Variants in LAMA4 observed in about 807,000 individuals in gnomAD.
LAMA4 encodes the protein laminin subunit alpha 4.
In LAMA4, 127 loss-of-function variants were observed where a neutral mutation model predicts 207.1. The observed-to-expected ratio is 0.61, with a 90% CI of 0.53 to 0.71. The LOEUF is 0.71. Ranked by LOEUF, LAMA4 falls within the 30% of genes least tolerant of loss-of-function variation. LAMA4 has a pLI of 0.00. For missense variants in LAMA4, 2,093 were observed against 2,246.5 expected, an observed-to-expected ratio of 0.93 and a Z score of 1.38; for synonymous variants, 761 against 816.0, an observed-to-expected ratio of 0.93 and a Z score of 1.15.
intron 16 of LAMA4, among the ~76,000 whole-genome samples, chr6:112,151,607 A>G (rs566544185): frequency 6.6e-6 from 1 of 152,208 alleles, no homozygotes; most frequent in African/African-American, 2.4e-5. Flanking sequence ...TATCAGATTT[A>G]TTCCTATGTA....
At chr6:112,149,212 T>C (rs1244165005) in intron 17 of LAMA4, among the ~76,000 whole-genome samples, 1 of 151,992 alleles carries the variant, frequency 6.6e-6, no homozygotes, top group Non-Finnish European at 1.5e-5. Flanking sequence ...TGGATTCTGA[T>C]AAATGCTAGT....
At chr6:112,201,476 A>T in intron 5 of LAMA4, 132 bp downstream of exon 5, 1 of 825,918 alleles carries the variant, frequency 1.2e-6, no homozygotes, top group Non-Finnish European at 2.1e-6. Flanking sequence ...GGGTTTTGAA[A>T]TGCAGTCCCT....
rs1583663630 is a variant in LAMA4 at position 112,129,995 on chromosome 6, A to T, written c.4014T>A (p.Pro1338=). 2 of 1,613,372 alleles carry T rather than the reference A, an allele frequency of 1.2e-6. No individual in the cohort carries two copies. Among genetic ancestry groups the T allele is most frequent in the Non-Finnish European group, 1.7e-6 (2 of 1,179,564 alleles). The part of the protein sequence containing the change: ...VDKSRVGSKN[P]TKGKIEQTQA... ...GTGTCTGTTCTATTTTCCCTTTGGT[A>T]GGATTCTTACTCCCAACTCTGCTTT... The change falls in exon 30 of 39, where the codon CCT becomes CCA. Residue 1338 remains proline, a synonymous_variant. Coordinates refer to ENST00000230538, the MANE Select transcript of LAMA4 (RefSeq NM_001105206.3).
intron 3 of LAMA4, among the ~76,000 whole-genome samples, chr6:112,207,357 C>CA (rs1442963904): frequency 3.9e-5 from 6 of 152,036 alleles, no homozygotes; most frequent in Admixed American, 2.6e-4. Context: ...TTTTCCTGGG[C>CA]TTTTGTGTGT....
At chr6:112,241,125 A>ATT (rs1296190551) in intron 2 of LAMA4, among the ~76,000 whole-genome samples, 1 of 121,094 alleles carries the variant, frequency 8.3e-6, no homozygotes, top group Non-Finnish European at 1.8e-5. Context: ...GAATATATAT[A>ATT]TGAATATATA....
At position 112,132,796 on chromosome 6, in the gene LAMA4, C is replaced by T. The variant is rs782013757; in HGVS notation, c.3791G>A (p.Arg1264Gln). ...FDGFEGGFNFRTLQPNGLLFY... is the reference protein window; with the variant it reads ...FDGFEGGFNFQTLQPNGLLFY... Reference sequence around the variant, plus strand: ...TAGTAACCCATTTGGTTGTAATGTTCGGAAATTAAAACCTCCTTCAAAGCC... The same window carrying T: ...TAGTAACCCATTTGGTTGTAATGTTTGGAAATTAAAACCTCCTTCAAAGCC... The change falls in exon 28 of 39, where the codon CGA (arginine) becomes CAA (glutamine). Residue 1264 changes from arginine to glutamine, a missense_variant. Transcript: ENST00000230538. 31 of 1,612,862 alleles carry T rather than the reference C, an allele frequency of 1.9e-5. No individual in the cohort carries two copies. Among genetic ancestry groups the T allele is most frequent in the Non-Finnish European group, 2.2e-5 (26 of 1,179,270 alleles).
At chr6:112,176,075 A>G (rs1782006863) in intron 10 of LAMA4, among the ~76,000 whole-genome samples, 1 of 152,188 alleles carries the variant, frequency 6.6e-6, no homozygotes, top group Non-Finnish European at 1.5e-5. Context: ...TTATAATATG[A>G]TGTGAGCTTT....
chr6:112,253,989 G>A lies in LAMA4; in HGVS notation c.162C>T (p.Arg54=). 1 of 1,585,940 alleles carries A rather than the reference G, an allele frequency of 6.3e-7. No homozygotes were observed. ...CAGGCGGCAGGCGTCCCAGAGCCAC[G>A]CGGGGTTCGCTCGTCTCAGGCGGGT... is the stretch of plus-strand genomic sequence containing the variant. The part of the protein sequence containing the change: ...RQDPPETSEP[R]VALGRLPPAA... The change falls in exon 2 of 39, where the codon CGC becomes CGT. Residue 54 remains arginine, a synonymous_variant. Coordinates refer to ENST00000230538, the MANE Select transcript of LAMA4 (RefSeq NM_001105206.3).
intron 2 of LAMA4, among the ~76,000 whole-genome samples, chr6:112,240,373 T>C (rs950642310): frequency 6.6e-6 from 1 of 152,168 alleles, no homozygotes; most frequent in African/African-American, 2.4e-5. Context: ...GGTGTATCCA[T>C]CCCCTCATTT....
At chr6:112,178,037 T>C (rs941516128) in intron 10 of LAMA4, 84 bp downstream of exon 10, 21 of 971,232 alleles carry the variant, frequency 2.2e-5, no homozygotes, top group Middle Eastern at 4.1e-4. Context: ...CAGCAAACAC[T>C]TAACAGTAGC....
At chr6:112,186,972 A>C (rs782160417) in intron 8 of LAMA4, 13 of 444,804 alleles carry the variant, frequency 2.9e-5, no homozygotes, top group Non-Finnish European at 5.8e-5. Context: ...AAAATGAGAG[A>C]GAATGTGTGT....
chr6:112,130,576 C>T (rs9487823), intron 29 of LAMA4, among the ~76,000 whole-genome samples: 69,255 of 151,714 alleles, frequency 0.46, 16,322 homozygotes, highest in South Asian at 0.68. Flanking sequence ...AGATGAAGTT[C>T]GAGCTTTTAA....
chr6:112,154,639 G>A, intron 16 of LAMA4: 1 of 582,800 alleles, frequency 1.7e-6, no homozygotes, highest in South Asian at 2.1e-5. Flanking sequence ...GTGTTTCCAT[G>A]TAGTTTACTA....
chr6:112,143,247 C>T (rs1369825654), intron 19 of LAMA4, among the ~76,000 whole-genome samples: 1 of 151,068 alleles, frequency 6.6e-6, no homozygotes, highest in African/African-American at 2.4e-5. Context: ...GACTGGAGTG[C>T]AGCTGTCCTA....
chr6:112,185,271 C>A lies in LAMA4; in HGVS notation c.1043G>T (p.Ser348Ile). The stretch of plus-strand genomic sequence containing the variant: ...TAATTCCTCTACGTCAGACAGAAGG[C>A]TTTTCATCGTGTTCTCAGCATTGTT... ...QINNAENTMK[S>I]LLSDVEELVE... is the part of the protein sequence containing the mutation. The change falls in exon 9 of 39, where the codon AGC becomes ATC. Residue 348 changes from serine to isoleucine, a missense_variant. Coordinates refer to ENST00000230538, the MANE Select transcript of LAMA4 (RefSeq NM_001105206.3). The A allele has an allele frequency of 6.2e-7, 1 of 1,612,860 alleles. No homozygotes were observed. Among genetic ancestry groups the A allele is most frequent in the Non-Finnish European group, 8.5e-7 (1 of 1,178,840 alleles).
chr6:112,211,608 C>T (rs1278871558), intron 3 of LAMA4, among the ~76,000 whole-genome samples: 1 of 152,162 alleles, frequency 6.6e-6, no homozygotes, highest in Non-Finnish European at 1.5e-5. Flanking sequence ...GCAGAAAGTA[C>T]ATACCTGTTA....
chr6:112,162,194 G>C (rs1346479273), intron 13 of LAMA4: 1 of 142,318 alleles, frequency 7.0e-6, no homozygotes, highest in Non-Finnish European at 1.5e-5. Context: ...TTCAAGGCCT[G>C]GTGTGGTGGC....
chr6:112,239,227 A>G (rs1447996435), intron 2 of LAMA4, among the ~76,000 whole-genome samples: 1 of 150,302 alleles, frequency 6.7e-6, no homozygotes, highest in African/African-American at 2.5e-5. Flanking sequence ...AGGCTGAGGC[A>G]TGAGAATAGC....
chr6:112,129,128 C>A, intron 30 of LAMA4, 53 bp from the exon 31 acceptor site: 1 of 1,473,386 alleles, frequency 6.8e-7, no homozygotes, highest in Non-Finnish European at 9.4e-7. Context: ...TTCAGAATTA[C>A]ATGATGAATA....
Sources: gnomAD v4.1 joint callset for allele counts (sites outside exome capture counted in the v4.1 genomes callset) on GRCh38, gnomAD v4.1.1 for gene constraint, MANE v1.5 for transcripts, NCBI Gene and HGNC (gene_info 2026-07-23, HGNC 2026-07-21) for gene names.